The following ARHGAP24 variants were observed in gnomAD, a reference collection of about 807,000 sequenced individuals.
The protein encoded by ARHGAP24 is Rho GTPase activating protein 24.
In ARHGAP24, 50 loss-of-function variants were observed where a neutral mutation model predicts 76.4. That is an observed-to-expected ratio of 0.65 (90% CI 0.52 to 0.83). The LOEUF is 0.83. Among genes scored for constraint, ARHGAP24 ranks in the 40% least tolerant of loss-of-function variants. The pLI is 0.00. For synonymous variants in ARHGAP24, 345 were observed against 323.3 expected, an observed-to-expected ratio of 1.07 and a Z score of -0.72; for missense variants, 930 against 914.2, an observed-to-expected ratio of 1.02 and a Z score of -0.22.
At chr4:85,628,476 C>T (rs1377977540) in intron 2 of ARHGAP24, among the ~76,000 whole-genome samples, 2 of 152,114 alleles carry the variant, frequency 1.3e-5, no homozygotes. Flanking sequence ...AATACGGCTA[C>T]TGTTGGATGG....
chr4:85,797,292 C>A (rs71599428), intron 3 of ARHGAP24, among the ~76,000 whole-genome samples: 1 of 151,796 alleles, frequency 6.6e-6, no homozygotes, highest in East Asian at 1.9e-4. Flanking sequence ...CCTGCCTCAG[C>A]CTCCCCAGCA....
intron 2 of ARHGAP24, among the ~76,000 whole-genome samples, chr4:85,647,004 A>G (rs1437553194): frequency 6.6e-6 from 1 of 152,124 alleles, no homozygotes; most frequent in Non-Finnish European, 1.5e-5. Context: ...CAAGCAACTA[A>G]GTTGAGAATA....
At chr4:85,706,397 A>G (rs1724308841) in intron 2 of ARHGAP24, among the ~76,000 whole-genome samples, 1 of 152,128 alleles carries the variant, frequency 6.6e-6, no homozygotes, top group South Asian at 2.1e-4. Context: ...ACTAAAACTC[A>G]TCTGTCATAA....
At chr4:85,790,838 G>C (rs529619244) in intron 3 of ARHGAP24, among the ~76,000 whole-genome samples, 1 of 152,254 alleles carries the variant, frequency 6.6e-6, no homozygotes, top group East Asian at 1.9e-4. Context: ...GCTAGTCTAG[G>C]GAATATTGAA....
At chr4:85,813,460 C>T (rs902982815) in intron 3 of ARHGAP24, among the ~76,000 whole-genome samples, 1 of 152,018 alleles carries the variant, frequency 6.6e-6, no homozygotes, top group Non-Finnish European at 1.5e-5. Context: ...AGATGGTCAA[C>T]ATCTATGTGA....
At chr4:85,950,740 T>C (rs545027398) in intron 5 of ARHGAP24, among the ~76,000 whole-genome samples, 1 of 151,940 alleles carries the variant, frequency 6.6e-6, no homozygotes, top group Non-Finnish European at 1.5e-5. Flanking sequence ...GGTGCAATCT[T>C]GGCTCACTGC....
At chr4:85,620,357 A>G (rs1465228445) in intron 2 of ARHGAP24, among the ~76,000 whole-genome samples, 2 of 151,760 alleles carry the variant, frequency 1.3e-5, no homozygotes, top group Non-Finnish European at 2.9e-5. Flanking sequence ...CAGCTTTTCT[A>G]TTTCTTCATG....
intron 3 of ARHGAP24, among the ~76,000 whole-genome samples, chr4:85,848,626 G>T (rs1037653881): frequency 6.6e-6 from 1 of 152,114 alleles, no homozygotes; most frequent in Non-Finnish European, 1.5e-5. Flanking sequence ...TTTTGTATAA[G>T]GTGCAAGGAA....
chr4:85,848,095 C>T (rs935138401), intron 3 of ARHGAP24, among the ~76,000 whole-genome samples: 1 of 151,984 alleles, frequency 6.6e-6, no homozygotes, highest in African/African-American at 2.4e-5. Flanking sequence ...ATTTCTGTAC[C>T]AAAATTCAGA....
intron 2 of ARHGAP24, among the ~76,000 whole-genome samples, chr4:85,667,486 A>G (rs112591803): frequency 0.029 from 4,452 of 152,232 alleles, 198 homozygotes; most frequent in African/African-American, 0.1. Context: ...TTTGGCTCAC[A>G]CACAATGCAC....
chr4:85,659,132 G>T (rs1722288452), intron 2 of ARHGAP24, among the ~76,000 whole-genome samples: 1 of 152,150 alleles, frequency 6.6e-6, no homozygotes, highest in South Asian at 2.1e-4. Flanking sequence ...AGAAGCCGGG[G>T]TGCAGTTAAA....
At chr4:85,797,002 G>C (rs1384427836) in intron 3 of ARHGAP24, among the ~76,000 whole-genome samples, 2 of 152,168 alleles carry the variant, frequency 1.3e-5, no homozygotes, top group Admixed American at 6.5e-5. Flanking sequence ...GGAGGGGCTG[G>C]GTGCTGGAGA....
chr4:85,849,877 G>A lies in ARHGAP24; in HGVS notation c.269-73771G>A, dbSNP rs994613118. ...GTATTTTATGGAGGATTTTTGCATC[G>A]ATGTTCATCGGGGATATTGGTCTAA... On this transcript the variant is annotated intron_variant, in intron 3 of 9. Coordinates refer to ENST00000395184, the MANE Select transcript of ARHGAP24 (RefSeq NM_001025616.3). 4.6e-5 allele frequency among the ~76,000 whole-genome samples: 7 copies of A among 152,150 alleles called. No individual in the cohort carries two copies. The East Asian group carries it at 5.8e-4, about 13-fold the overall frequency.
chr4:85,855,375 A>G (rs1191190395), intron 3 of ARHGAP24, among the ~76,000 whole-genome samples: 4 of 152,224 alleles, frequency 2.6e-5, no homozygotes, highest in Non-Finnish European at 5.9e-5. Flanking sequence ...ATACAGGACC[A>G]GAATGTCTAG....
chr4:85,721,468 C>T (rs773657963), intron 2 of ARHGAP24, among the ~76,000 whole-genome samples: 1 of 151,326 alleles, frequency 6.6e-6, no homozygotes, highest in Non-Finnish European at 1.5e-5. Flanking sequence ...AAGAGATAAT[C>T]AAGAGAAGGC....
chr4:85,516,663 A>T (rs1724517372), intron 1 of ARHGAP24, among the ~76,000 whole-genome samples: 1 of 139,522 alleles, frequency 7.2e-6, no homozygotes, highest in Non-Finnish European at 1.5e-5. Flanking sequence ...ATTTTTGAAG[A>T]GCTTTTATCT....
intron 2 of ARHGAP24, among the ~76,000 whole-genome samples, chr4:85,715,163 C>T (rs1024231679): frequency 6.6e-6 from 1 of 151,954 alleles, no homozygotes; most frequent in African/African-American, 2.4e-5. Flanking sequence ...ACATCAAACG[C>T]TATGGTATTT....
intron 5 of ARHGAP24, among the ~76,000 whole-genome samples, chr4:85,961,163 A>G (rs1395264143): frequency 6.6e-6 from 1 of 151,972 alleles, no homozygotes; most frequent in African/African-American, 2.4e-5. Flanking sequence ...TGTGAGAGCC[A>G]TAGGAAAGAC....
At chr4:85,950,221 A>C (rs1578423178) in intron 5 of ARHGAP24, among the ~76,000 whole-genome samples, 1 of 152,212 alleles carries the variant, frequency 6.6e-6, no homozygotes, top group East Asian at 1.9e-4. Context: ...GGCAAGACAC[A>C]GTGGCTTATG....
Sources: gnomAD v4.1 joint callset for allele counts (sites outside exome capture counted in the v4.1 genomes callset) on GRCh38, gnomAD v4.1.1 for gene constraint, MANE v1.5 for transcripts, NCBI Gene and HGNC (gene_info 2026-07-23, HGNC 2026-07-21) for gene names.